CADPS: variants seen among roughly 807,000 people sequenced by gnomAD.
CADPS encodes calcium-dependent secretion activator 1.
In CADPS, 57 loss-of-function variants were observed where a neutral mutation model predicts 167.3. The observed-to-expected ratio is 0.34, with a 90% confidence interval of 0.28 to 0.42. The LOEUF (loss-of-function observed/expected upper bound fraction) is 0.42. CADPS is among the 20% of genes least tolerant of loss of function. The pLI, the probability that CADPS is intolerant of heterozygous loss-of-function variation, is 1.00. For missense variants in CADPS, 1,414 were observed against 1,738.1 expected, an observed-to-expected ratio of 0.81 and a Z score of 3.32; for synonymous variants, 676 against 635.3, an observed-to-expected ratio of 1.06 and a Z score of -0.96.
intron 3 of CADPS, among the ~76,000 whole-genome samples, chr3:62,687,060 G>A (rs2078179153): frequency 6.6e-6 from 1 of 152,166 alleles, no homozygotes; most frequent in Non-Finnish European, 1.5e-5. Flanking sequence ...CCTGGGAACA[G>A]CCACAAGCAT....
chr3:62,764,877 T>C (rs1288710911), intron 2 of CADPS, among the ~76,000 whole-genome samples: 1 of 152,236 alleles, frequency 6.6e-6, no homozygotes, highest in East Asian at 1.9e-4. Context: ...CAGATTTTGT[T>C]ACATTTTTCT....
intron 21 of CADPS, among the ~76,000 whole-genome samples, chr3:62,486,305 C>T (rs1012796448): frequency 9.2e-5 from 14 of 151,946 alleles, no homozygotes; most frequent in African/African-American, 3.1e-4. Context: ...ATTAGCTGGG[C>T]GTGGTGGCAG....
chr3:62,502,738 A>G (rs2065970553), intron 17 of CADPS, among the ~76,000 whole-genome samples: 1 of 152,192 alleles, frequency 6.6e-6, no homozygotes, highest in Admixed American at 6.5e-5. Context: ...ATGAAAGTTT[A>G]CGGTACTTGA....
At chr3:62,846,562 T>C (rs972165453) in intron 1 of CADPS, among the ~76,000 whole-genome samples, 2 of 152,226 alleles carry the variant, frequency 1.3e-5, no homozygotes, top group African/African-American at 4.8e-5. Flanking sequence ...AAACGCTTGA[T>C]TCTTTCCCGT....
rs145869621 is a variant in CADPS, at chr3:62,555,262, A to C, written c.1753+2143T>G. On this transcript the variant is annotated intron_variant, in intron 10 of 29. Coordinates refer to ENST00000383710, the MANE Select transcript of CADPS (RefSeq NM_003716.4). ...TCTTTCGTATAGAAATTTATAAATT[A>C]TATCCCATGGGATCGATGTAAAAAG... Among the ~76,000 whole-genome samples, 11 of 152,354 alleles carry C rather than the reference A, an allele frequency of 7.2e-5. No individual in the cohort carries two copies. The East Asian group carries it at 2.1e-3, about 29-fold the overall frequency.
intron 6 of CADPS, among the ~76,000 whole-genome samples, chr3:62,607,712 G>A (rs372006472): frequency 1.6e-4 from 24 of 152,308 alleles, no homozygotes; most frequent in Non-Finnish European, 2.8e-4. Flanking sequence ...GCATTGGGGC[G>A]GGGGTTGGCT....
At chr3:62,400,872 A>C (rs1705809765) in intron 29 of CADPS, among the ~76,000 whole-genome samples, 1 of 152,100 alleles carries the variant, frequency 6.6e-6, no homozygotes, top group African/African-American at 2.4e-5. Context: ...TGCTGAGATT[A>C]CGGGCGTGAG....
At position 62,446,934 on chromosome 3, in the gene CADPS, C is replaced by T. The variant is rs2057312228; in HGVS notation, c.3637-1137G>A. Among the ~76,000 whole-genome samples, 1 of 152,144 alleles carries T rather than the reference C, an allele frequency of 6.6e-6. No homozygotes were observed. The highest frequency in any genetic ancestry group is 1.5e-5 in the Non-Finnish European group (1 of 68,022). On this transcript the variant is annotated intron_variant, in intron 26 of 29. Coordinates refer to ENST00000383710, the MANE Select transcript of CADPS (RefSeq NM_003716.4). The surrounding 1 kb of genome is among the most constrained non-coding windows in gnomAD (Gnocchi z 4.9). Reference sequence around the variant, plus strand: ...TTTCACATCTCAGCCAGGCTTCCTCCTGCAATTTGGCTGAGATCAATATTA... The same window carrying T: ...TTTCACATCTCAGCCAGGCTTCCTCTTGCAATTTGGCTGAGATCAATATTA...
intron 3 of CADPS, among the ~76,000 whole-genome samples, chr3:62,667,898 A>G (rs2074771414): frequency 6.6e-6 from 1 of 151,992 alleles, no homozygotes; most frequent in Non-Finnish European, 1.5e-5. Flanking sequence ...CTCTAGGGGG[A>G]TGAAGAAATT....
At chr3:62,661,765 TG>T (rs1232328778) in intron 4 of CADPS, among the ~76,000 whole-genome samples, 1 of 152,070 alleles carries the variant, frequency 6.6e-6, no homozygotes, top group Non-Finnish European at 1.5e-5. Flanking sequence ...GATGAGGGCC[TG>T]GATCAAAGCA....
intron 4 of CADPS, among the ~76,000 whole-genome samples, chr3:62,658,948 C>A (rs181785805): frequency 1.3e-4 from 20 of 152,266 alleles, no homozygotes; most frequent in Middle Eastern, 6.8e-3. Flanking sequence ...GATCACTCTG[C>A]AGGCCCTGGT....
At chr3:62,775,878 G>A (rs1441314603) in intron 1 of CADPS, among the ~76,000 whole-genome samples, 1 of 152,134 alleles carries the variant, frequency 6.6e-6, no homozygotes, top group African/African-American at 2.4e-5. Context: ...GTTTCATCAA[G>A]GAAAGTATTC....
At chr3:62,570,718 T>C (rs2081131058) in intron 9 of CADPS, among the ~76,000 whole-genome samples, 154 bp downstream of exon 9, 1 of 152,220 alleles carries the variant, frequency 6.6e-6, no homozygotes, top group South Asian at 2.1e-4. Context: ...TTCTGTATCC[T>C]CCTCTGAATG....
Position 62,548,597 on chromosome 3 carries a change from A to G in CADPS, c.1966+1306T>C, listed in dbSNP as rs1443634601. Among the ~76,000 whole-genome samples, 3 of 152,236 alleles carry G rather than the reference A, an allele frequency of 2.0e-5. No individual in the cohort carries two copies. The East Asian group carries it at 5.8e-4, about 29-fold the overall frequency. ...GTTGGACAGAAATGGACATGGCAGT[A>G]GAATTCACTGAAATACAAGTTTACC... On this transcript the variant is annotated intron_variant, in intron 11 of 29. Transcript: ENST00000383710.
At chr3:62,448,623 G>C (rs573648069) in intron 26 of CADPS, among the ~76,000 whole-genome samples, 15 of 130,370 alleles carry the variant, frequency 1.2e-4, no homozygotes, top group Middle Eastern at 3.7e-3. Flanking sequence ...AACTTTTTTG[G>C]GGGGGGGTGG....
chr3:62,715,227 G>A (rs1342126832), intron 3 of CADPS, among the ~76,000 whole-genome samples: 1 of 152,026 alleles, frequency 6.6e-6, no homozygotes. Flanking sequence ...CCTACATGGG[G>A]CTTATTATAC....
intron 1 of CADPS, among the ~76,000 whole-genome samples, chr3:62,767,146 ATTTTTGTGAAAAGTTAAAC>A (rs1408746838): frequency 1.3e-5 from 2 of 152,146 alleles, no homozygotes; most frequent in South Asian, 2.1e-4. Flanking sequence ...AAAAAGTTAA[ATTTTTGTGAAAAGTTAAAC>A]TTTTTGTAAA....
chr3:62,498,616 T>C (rs959865959), intron 18 of CADPS, among the ~76,000 whole-genome samples: 14 of 152,004 alleles, frequency 9.2e-5, no homozygotes, highest in African/African-American at 3.1e-4. Context: ...AAAAGTAAGC[T>C]ATATTTATTT....
At chr3:62,687,714 A>G (rs1334284359) in intron 3 of CADPS, among the ~76,000 whole-genome samples, 1 of 141,736 alleles carries the variant, frequency 7.1e-6, no homozygotes, top group Middle Eastern at 3.4e-3. Flanking sequence ...TTTCATTGCT[A>G]CTTCCGGGGT....
Sources: allele counts gnomAD v4.1 joint callset (sites outside exome capture counted in the v4.1 genomes callset), GRCh38; gene constraint gnomAD v4.1.1; non-coding constraint Gnocchi (gnomAD v3.1); transcripts MANE v1.5; gene names NCBI Gene and HGNC (gene_info 2026-07-23, HGNC 2026-07-21).